The following PSD2 variants were observed in gnomAD, a reference collection of about 807,000 sequenced individuals.
PSD2 encodes PH and SEC7 domain-containing protein 2.
A neutral mutation model predicts 69.8 loss-of-function variants in PSD2; 38 were observed. The ratio of observed to expected loss-of-function variants is 0.54; its 90% confidence interval spans 0.42 to 0.71. The LOEUF is 0.71. Among genes scored for constraint, PSD2 ranks in the 30% least tolerant of loss-of-function variants. PSD2 has a pLI of 0.00. For missense variants in PSD2, 943 were observed against 1,014.5 expected, an observed-to-expected ratio of 0.93 and a Z score of 0.96; for synonymous variants, 412 against 423.0, an observed-to-expected ratio of 0.97 and a Z score of 0.32.
At chr5:139,809,303 C>T in intron 1 of PSD2, 88 bp from the exon 2 acceptor site, 2 of 1,024,898 alleles carry the variant, frequency 2.0e-6, no homozygotes, top group South Asian at 1.6e-5. Context: ...CTCAGGCAGG[C>T]TGCTCTGCCA....
chr5:139,808,545 C>T (rs1446307406), intron 1 of PSD2, among the ~76,000 whole-genome samples: 1 of 152,212 alleles, frequency 6.6e-6, no homozygotes, highest in Non-Finnish European at 1.5e-5. Flanking sequence ...AGAGCAGGGC[C>T]TGACTCCCCT....
At chr5:139,788,696 C>G in the PSD2 span, among the ~76,000 whole-genome samples, 1 of 152,240 alleles carries the variant, frequency 6.6e-6, no homozygotes, top group African/African-American at 2.4e-5. Flanking sequence ...GGGCCAGGCT[C>G]TGCCGGGGCC....
chr5:139,824,846 T>C (rs146323902), intron 7 of PSD2, among the ~76,000 whole-genome samples: 1 of 152,134 alleles, frequency 6.6e-6, no homozygotes, highest in African/African-American at 2.4e-5. Context: ...CCCTCCCACG[T>C]CACTCATCAA....
the PSD2 span, chr5:139,743,650 G>A: frequency 1.3e-5 from 2 of 152,830 alleles, no homozygotes; most frequent in Non-Finnish European, 2.9e-5. Context: ...AATTGTGTGG[G>A]AGAGGTGAAA....
the PSD2 span, among the ~76,000 whole-genome samples, chr5:139,776,915 T>C: frequency 6.6e-6 from 1 of 152,326 alleles, no homozygotes; most frequent in Non-Finnish European, 1.5e-5. Flanking sequence ...GCACACCTTA[T>C]GTGATGGGGA....
chr5:139,774,835 C>T, the PSD2 span, among the ~76,000 whole-genome samples: 7 of 152,170 alleles, frequency 4.6e-5, no homozygotes, highest in African/African-American at 7.2e-5. Context: ...CACCGCTTTC[C>T]TCGGGGTCCG....
chr5:139,822,363 G>A (rs1266604837), intron 6 of PSD2, among the ~76,000 whole-genome samples: 3 of 152,174 alleles, frequency 2.0e-5, no homozygotes, highest in Non-Finnish European at 2.9e-5. Flanking sequence ...CCAATAGATG[G>A]GCCTAAGTCC....
At chr5:139,771,164 C>T in the PSD2 span, among the ~76,000 whole-genome samples, 186 of 152,332 alleles carry the variant, frequency 1.2e-3, no homozygotes, top group African/African-American at 4.1e-3. Context: ...GCTTTTTGAA[C>T]AAGAAGCTCC....
chr5:139,743,284 C>T, the PSD2 span, among the ~76,000 whole-genome samples: 10 of 152,216 alleles, frequency 6.6e-5, no homozygotes, highest in African/African-American at 2.4e-4. Context: ...AAGGACAGAG[C>T]AGACGTCTCT....
intron 7 of PSD2, among the ~76,000 whole-genome samples, chr5:139,826,292 G>A (rs1760418812): frequency 6.6e-6 from 1 of 152,204 alleles, no homozygotes; most frequent in Admixed American, 6.5e-5. Flanking sequence ...CCTGACAGGA[G>A]CCAGCGGTCA....
chr5:139,788,094 G>A, the PSD2 span, among the ~76,000 whole-genome samples: 1 of 152,160 alleles, frequency 6.6e-6, no homozygotes, highest in Non-Finnish European at 1.5e-5. Flanking sequence ...GGAAGACTCC[G>A]CGCAGTGCTG....
At chr5:139,766,928 CCCTTCTTTCTTT>C in the PSD2 span, among the ~76,000 whole-genome samples, 1,060 of 31,220 alleles carry the variant, frequency 0.034, 46 homozygotes, top group Middle Eastern at 0.1. Context: ...TTCCTTCCTT[CCCTTCTTTCTTT>C]CTTTCTTTCT....
the PSD2 span, among the ~76,000 whole-genome samples, chr5:139,770,005 G>A: frequency 6.6e-6 from 1 of 152,174 alleles, no homozygotes; most frequent in Non-Finnish European, 1.5e-5. Flanking sequence ...TGGAGCATGC[G>A]GTACACAGAG....
In PSD2 at chr5:139,813,754, G is replaced by A. The variant is rs1178832812; in HGVS notation, c.817G>A (p.Ala273Thr). 6.3e-7 allele frequency: 1 copy of A among 1,599,398 alleles called. No homozygotes were observed. The highest frequency in any genetic ancestry group is 1.3e-5 in the African/African-American group (1 of 74,848). Residue 273 changes from alanine to threonine, a missense_variant, in exon 3 of 15, where the codon GCC becomes ACC. Physicochemically the swap from Ala to Thr is moderately conservative, Grantham distance 58. Around this residue, in one of 3 missense-constraint regions of PSD2, gnomAD observed 466 missense variants for 445.0 expected, o/e 1.05. Coordinates refer to ENST00000274710, the MANE Select transcript of PSD2 (RefSeq NM_032289.4). Reference sequence around the variant, plus strand: ...GGACACGGACAAGTTGCTGAACTCAGCCAGGTGAGGCAGGGCCCAGGCTGG... The same window carrying A: ...GGACACGGACAAGTTGCTGAACTCAACCAGGTGAGGCAGGGCCCAGGCTGG... ...EEDTDKLLNS[A>T]SDPSLKDGLS...
At chr5:139,778,945 C>CAAAAAAAAAAAAAAAAAAAAAAAAAAA in the PSD2 span, among the ~76,000 whole-genome samples, 1 of 99,904 alleles carries the variant, frequency 1.0e-5, no homozygotes. Flanking sequence ...AGAAAAAAAA[C>CAAAAAAAAAAAAAAAAAAAAAAAAAAA]AAAAAAAAAA....
the PSD2 span, among the ~76,000 whole-genome samples, chr5:139,756,497 T>C: frequency 6.6e-6 from 1 of 152,168 alleles, no homozygotes; most frequent in Admixed American, 6.5e-5. Flanking sequence ...AGGTGGTCAG[T>C]GGCTGGGCTG....
intron 1 of PSD2, among the ~76,000 whole-genome samples, chr5:139,808,637 G>T (rs922864911): frequency 2.6e-5 from 4 of 152,172 alleles, no homozygotes; most frequent in African/African-American, 9.6e-5. Flanking sequence ...ATGGGGGCCC[G>T]GGAGTGGAGG....
intron 4 of PSD2, among the ~76,000 whole-genome samples, chr5:139,815,890 A>G (rs946576115): frequency 6.7e-6 from 1 of 149,230 alleles, no homozygotes; most frequent in Non-Finnish European, 1.5e-5. Flanking sequence ...GCTACTCGGG[A>G]GGCTGAGGCA....
intron 7 of PSD2, among the ~76,000 whole-genome samples, chr5:139,826,234 G>A (rs182137763): frequency 2.0e-5 from 3 of 152,292 alleles, no homozygotes; most frequent in East Asian, 3.9e-4. Flanking sequence ...AGAGGCGAGG[G>A]TGTGGTGGCC....
Sources: gnomAD v4.1 joint callset for allele counts (sites outside exome capture counted in the v4.1 genomes callset) on GRCh38, gnomAD v4.1.1 for gene constraint, gnomAD v4.1.1 regional missense constraint, MANE v1.5 for transcripts, NCBI Gene and HGNC (gene_info 2026-07-23, HGNC 2026-07-21) for gene names.